Variants in AKAP6 observed in about 807,000 individuals in gnomAD.
AKAP6 encodes A-kinase anchoring protein 6, also known as A-kinase anchor protein 6.
Under a neutral mutation model 188.5 loss-of-function variants are expected in AKAP6, and 58 were observed. The observed-to-expected ratio is 0.31, with a 90% CI of 0.25 to 0.38. AKAP6 has a LOEUF of 0.38. AKAP6 is among the 10% of genes least tolerant of loss of function. The probability of loss-of-function intolerance (pLI) is 1.00; values close to 1 mark genes in which losing one functional copy is unlikely to be tolerated. For missense variants in AKAP6, 2,710 were observed against 2,740.0 expected (o/e 0.99, Z 0.24); for synonymous variants, 989 against 998.6 (o/e 0.99, Z 0.18).
intron 7 of AKAP6, among the ~76,000 whole-genome samples, chr14:32,674,978 T>C (rs1323406935): frequency 6.6e-6 from 1 of 152,190 alleles, no homozygotes; most frequent in Non-Finnish European, 1.5e-5. Flanking sequence ...CCAGTGGTAA[T>C]GAAGGCCTAG....
chr14:32,594,212 C>T (rs765188787), intron 5 of AKAP6, among the ~76,000 whole-genome samples: 57 of 152,144 alleles, frequency 3.7e-4, no homozygotes, highest in Non-Finnish European at 6.9e-4. Flanking sequence ...AACTAAAGCA[C>T]CCAGAACTTG....
At chr14:32,535,030 A>G (rs1166358811) in intron 2 of AKAP6, among the ~76,000 whole-genome samples, 1 of 150,894 alleles carries the variant, frequency 6.6e-6, no homozygotes. Flanking sequence ...ATTAAGTTGT[A>G]TACTTGTGGG....
intron 1 of AKAP6, among the ~76,000 whole-genome samples, chr14:32,360,866 C>T (rs1289898020): frequency 2.0e-5 from 3 of 151,636 alleles, no homozygotes; most frequent in African/African-American, 7.3e-5. Flanking sequence ...ACCTCAGCCT[C>T]CTGAGTAGCT....
At chr14:32,385,343 G>C (rs955712604) in intron 1 of AKAP6, among the ~76,000 whole-genome samples, 2 of 150,912 alleles carry the variant, frequency 1.3e-5, no homozygotes, top group African/African-American at 4.9e-5. Flanking sequence ...CAGAAGTTCT[G>C]TTTTTACTAA....
At chr14:32,789,336 G>T (rs184880683) in intron 12 of AKAP6, among the ~76,000 whole-genome samples, 33 of 152,338 alleles carry the variant, frequency 2.2e-4, no homozygotes, top group Admixed American at 2.1e-3. Context: ...ACGCGGAAGG[G>T]TCTCTCCCAA....
At chr14:32,628,844 A>T (rs1887137513) in intron 7 of AKAP6, among the ~76,000 whole-genome samples, 1 of 152,150 alleles carries the variant, frequency 6.6e-6, no homozygotes, top group African/African-American at 2.4e-5. Flanking sequence ...AGGTAGCAGT[A>T]TCTGTGAAAA....
chr14:32,632,222 CAT>C (rs1005364318), intron 7 of AKAP6, among the ~76,000 whole-genome samples: 2 of 151,998 alleles, frequency 1.3e-5, no homozygotes, highest in Admixed American at 1.3e-4. Flanking sequence ...ATGTGAAAAA[CAT>C]ATGTCGAATT....
At chr14:32,438,654 C>A (rs947831999) in intron 2 of AKAP6, 1 of 152,062 alleles carries the variant, frequency 6.6e-6, no homozygotes, top group African/African-American at 2.4e-5. Context: ...AAAATGAAAC[C>A]TACATATTTT....
chr14:32,767,571 A>G (rs2032756995), intron 11 of AKAP6, among the ~76,000 whole-genome samples: 1 of 152,108 alleles, frequency 6.6e-6, no homozygotes, highest in Non-Finnish European at 1.5e-5. Flanking sequence ...GGATAGATCA[A>G]TACTTGAATA....
At chr14:32,744,188 C>A (rs1007940393) in intron 11 of AKAP6, among the ~76,000 whole-genome samples, 4 of 152,098 alleles carry the variant, frequency 2.6e-5, no homozygotes, top group Non-Finnish European at 5.9e-5. Flanking sequence ...TGCTTCTTTT[C>A]TCTTGCCACT....
intron 1 of AKAP6, among the ~76,000 whole-genome samples, chr14:32,356,950 G>C (rs111836957): frequency 2.6e-5 from 4 of 151,766 alleles, no homozygotes; most frequent in Non-Finnish European, 5.9e-5. Flanking sequence ...TGCTTGCACC[G>C]GACATATGCC....
At chr14:32,347,910 T>G (rs920409736) in intron 1 of AKAP6, among the ~76,000 whole-genome samples, 1 of 152,258 alleles carries the variant, frequency 6.6e-6, no homozygotes, top group Non-Finnish European at 1.5e-5. Flanking sequence ...TTATGAGGCT[T>G]TGCTTAGATT....
At chr14:32,381,368 C>A (rs1888355118) in intron 1 of AKAP6, among the ~76,000 whole-genome samples, 1 of 151,938 alleles carries the variant, frequency 6.6e-6, no homozygotes, top group African/African-American at 2.4e-5. Flanking sequence ...GTAAGGTCTT[C>A]TTATGATATT....
chr14:32,424,984 A>C (rs1378693885), intron 1 of AKAP6, among the ~76,000 whole-genome samples: 1 of 152,160 alleles, frequency 6.6e-6, no homozygotes, highest in East Asian at 1.9e-4. Flanking sequence ...GTGTCTTTAT[A>C]ATAGAATGAA....
intron 2 of AKAP6, among the ~76,000 whole-genome samples, chr14:32,439,589 G>A (rs1171279369): frequency 9.4e-6 from 1 of 106,864 alleles, no homozygotes; most frequent in Non-Finnish European, 1.8e-5. Context: ...CCCACTACTG[G>A]AGCATAACTA....
At chr14:32,455,191 A>G (rs1399269709) in intron 2 of AKAP6, among the ~76,000 whole-genome samples, 1 of 151,754 alleles carries the variant, frequency 6.6e-6, no homozygotes, top group Non-Finnish European at 1.5e-5. Flanking sequence ...TATGTTGCCC[A>G]GGCTGGTCTC....
At chr14:32,621,905 C>T (rs1267947090) in intron 7 of AKAP6, among the ~76,000 whole-genome samples, 1 of 152,090 alleles carries the variant, frequency 6.6e-6, no homozygotes, top group African/African-American at 2.4e-5. Context: ...TACTAATACT[C>T]TAATTTTTAA....
At position 32,821,904 on chromosome 14, in the gene AKAP6, G is replaced by T; in HGVS notation, c.4091G>T (p.Ser1364Ile). 1 of 1,613,950 alleles carries T rather than the reference G, an allele frequency of 6.2e-7. No homozygotes were observed. Among genetic ancestry groups the T allele is most frequent in the Non-Finnish European group, 8.5e-7 (1 of 1,179,932 alleles). Reference protein sequence around the residue: ...GDMSQNSGSESGIVSEGDTET... With the variant: ...GDMSQNSGSEIGIVSEGDTET... ...ATGAGCCAGAATTCAGGCAGTGAGA[G>T]TGGAATTGTCAGTGAAGGAGACACA... Residue 1364 changes from serine (S) to isoleucine (I), a missense_variant, in exon 13 of 14, where the codon AGT (serine) becomes ATT (isoleucine). By Grantham distance (142) the Ser-to-Ile change is moderately radical (BLOSUM62 -2). Transcript: ENST00000280979.
At chr14:32,773,953 T>C (rs771368504) in intron 12 of AKAP6, 60 bp downstream of exon 12, 1 of 1,539,088 alleles carries the variant, frequency 6.5e-7, no homozygotes, top group African/African-American at 1.4e-5. Flanking sequence ...AAAATAATTC[T>C]TTCAGGCTTG....
Sources: allele counts gnomAD v4.1 joint callset (sites outside exome capture counted in the v4.1 genomes callset), GRCh38; gene constraint gnomAD v4.1.1; transcripts MANE v1.5; gene names NCBI Gene and HGNC (gene_info 2026-07-23, HGNC 2026-07-21).